DPP10: variants seen among roughly 807,000 people sequenced by gnomAD.
DPP10 encodes the protein inactive dipeptidyl peptidase 10.
A neutral mutation model predicts 120.9 loss-of-function variants in DPP10; 33 were observed. The ratio of observed to expected loss-of-function variants is 0.27; its 90% CI spans 0.21 to 0.37. DPP10 has a LOEUF of 0.37. Ranked by LOEUF, DPP10 falls within the 10% of genes least tolerant of loss-of-function variation. The pLI, the probability that DPP10 is intolerant of heterozygous loss-of-function variation, is 1.00. For missense variants in DPP10, 816 were observed against 942.8 expected (o/e 0.87, Z 1.76); for synonymous variants, 337 against 326.1 (o/e 1.03, Z -0.36).
chr2:115,743,689 A>C (rs1302485285), intron 9 of DPP10, among the ~76,000 whole-genome samples: 1 of 141,044 alleles, frequency 7.1e-6, no homozygotes, highest in Non-Finnish European at 1.5e-5. Context: ...GGAAACCTTC[A>C]ACTCAAAATT....
At chr2:114,644,039 A>T (rs1171950314) in intron 1 of DPP10, among the ~76,000 whole-genome samples, 4 of 147,426 alleles carry the variant, frequency 2.7e-5, no homozygotes, top group Non-Finnish European at 5.9e-5. Context: ...GGTTCCAGCG[A>T]TTCTCCTGCC....
At position 115,727,776 on chromosome 2, in the gene DPP10, C is replaced by T. The variant is rs528870760; in HGVS notation, c.577-40C>T. Reference sequence around the variant, plus strand: ...ATTAAAGTTTCAAAAGGCATCCTAACGTGTTGGATTTTTTGTTTGTTTCAC... The same window carrying T: ...ATTAAAGTTTCAAAAGGCATCCTAATGTGTTGGATTTTTTGTTTGTTTCAC... On this transcript the variant is annotated intron_variant, in intron 7 of 25. Transcript: ENST00000410059. 134 of 1,555,224 alleles carry T rather than the reference C, an allele frequency of 8.6e-5. No individual in the cohort carries two copies. In the East Asian group the frequency reaches 1.0e-3, roughly 12 times the overall value.
intron 1 of DPP10, among the ~76,000 whole-genome samples, chr2:114,451,024 C>T (rs1372339113): frequency 6.6e-6 from 1 of 152,056 alleles, no homozygotes; most frequent in Non-Finnish European, 1.5e-5. Flanking sequence ...AAAATGAGTT[C>T]CACTTCATTT....
intron 1 of DPP10, among the ~76,000 whole-genome samples, chr2:114,763,794 A>G (rs915007937): frequency 6.6e-6 from 1 of 152,210 alleles, no homozygotes; most frequent in South Asian, 2.1e-4. Flanking sequence ...CTAGCTTTAC[A>G]TAGGCTGATA....
At chr2:115,358,383 G>C (rs889176454) in intron 3 of DPP10, among the ~76,000 whole-genome samples, 8 of 152,096 alleles carry the variant, frequency 5.3e-5, no homozygotes, top group African/African-American at 1.7e-4. Flanking sequence ...CAAGTTTCTT[G>C]TCTCCATCTG....
At chr2:115,134,780 T>C (rs955714966) in intron 1 of DPP10, among the ~76,000 whole-genome samples, 1 of 152,070 alleles carries the variant, frequency 6.6e-6, no homozygotes, top group Non-Finnish European at 1.5e-5. Flanking sequence ...AAAACAGTGG[T>C]TTCGTTGTAT....
chr2:115,305,047 G>C (rs189681494), intron 1 of DPP10, among the ~76,000 whole-genome samples: 89 of 152,138 alleles, frequency 5.8e-4, no homozygotes, highest in Admixed American at 5.8e-3. Context: ...ATCTGACGTT[G>C]AACACAAGCG....
rs770737395 is a variant in DPP10 at position 114,442,832 on chromosome 2, A to C, written c.54A>C (p.Thr18=). ...SHHIKCQPSK[T]IKELGSNSPP... ...ACATCAAGTGTCAACCCTCAAAAAC[A>C]ATCAAGGTAGGATCTGGTTTTTCCC... Residue 18 remains threonine (T), a synonymous_variant, in exon 1 of 26, where the codon ACA becomes ACC. Transcript: ENST00000410059. 6.2e-7 allele frequency: 1 copy of C among 1,613,376 alleles called. No homozygotes were observed. Among genetic ancestry groups the C allele is most frequent in the Admixed American group, 1.7e-5 (1 of 59,942 alleles).
At chr2:115,646,103 T>TGC (rs1167391562) in intron 5 of DPP10, among the ~76,000 whole-genome samples, 1 of 151,494 alleles carries the variant, frequency 6.6e-6, no homozygotes, top group East Asian at 1.9e-4. Flanking sequence ...TGCACGTGCG[T>TGC]GCGCGCACAC....
At chr2:115,416,827 G>T (rs183420759) in intron 3 of DPP10, among the ~76,000 whole-genome samples, 11 of 152,166 alleles carry the variant, frequency 7.2e-5, no homozygotes, top group Middle Eastern at 3.4e-3. Flanking sequence ...ATGAGGCTGC[G>T]TTCCAGTTTC....
rs1295328308 is a variant in DPP10, at chr2:115,636,609, T to A, written c.442-53078T>A. 7.4e-5 allele frequency among the ~76,000 whole-genome samples: 11 copies of A among 148,124 alleles called. No individual in the cohort carries two copies. The East Asian group carries it at 2.0e-3, about 27-fold the overall frequency. ...GAGAGAGACAGAAAAAGAGAGAGAG[T>A]GAGAGAAGGAGAGAAGGAGAAAAAG... On this transcript the variant is annotated intron_variant, in intron 5 of 25. Coordinates refer to ENST00000410059, the MANE Select transcript of DPP10 (RefSeq NM_020868.6).
chr2:114,549,485 A>G (rs1189188633), intron 1 of DPP10, among the ~76,000 whole-genome samples: 1 of 151,486 alleles, frequency 6.6e-6, no homozygotes, highest in African/African-American at 2.4e-5. Context: ...ACATTGGGAA[A>G]CCCTGTCTCT....
intron 4 of DPP10, among the ~76,000 whole-genome samples, chr2:115,511,723 T>C (rs1381430307): frequency 7.8e-6 from 1 of 127,778 alleles, no homozygotes; most frequent in Non-Finnish European, 1.6e-5. Context: ...CTTCTTCTTC[T>C]TCTTCTTCTT....
At chr2:114,511,979 G>A (rs1317572910) in intron 1 of DPP10, among the ~76,000 whole-genome samples, 2 of 152,128 alleles carry the variant, frequency 1.3e-5, no homozygotes, top group Non-Finnish European at 2.9e-5. Flanking sequence ...TACCTTTAAA[G>A]GCAACTATCA....
intron 5 of DPP10, among the ~76,000 whole-genome samples, chr2:115,656,871 T>C (rs1174545372): frequency 6.6e-6 from 1 of 151,714 alleles, no homozygotes; most frequent in East Asian, 1.9e-4. Context: ...CAGTTTATCA[T>C]GACCATTTTT....
intron 1 of DPP10, among the ~76,000 whole-genome samples, chr2:115,307,513 G>T (rs2061407191): frequency 6.6e-6 from 1 of 152,050 alleles, no homozygotes; most frequent in Non-Finnish European, 1.5e-5. Context: ...AAGTATTTAT[G>T]GTTCTTGGCC....
At chr2:114,821,339 T>C (rs529010234) in intron 1 of DPP10, among the ~76,000 whole-genome samples, 4 of 152,298 alleles carry the variant, frequency 2.6e-5, no homozygotes, top group African/African-American at 9.6e-5. Flanking sequence ...GTGGTGAGAA[T>C]TGCCATGTTT....
intron 19 of DPP10, among the ~76,000 whole-genome samples, chr2:115,803,935 C>T (rs1455299823): frequency 1.3e-5 from 2 of 152,076 alleles, no homozygotes; most frequent in African/African-American, 2.4e-5. Flanking sequence ...CGAGCAGTAT[C>T]TTTGTGGCAT....
chr2:115,280,181 A>C (rs1466324743), intron 1 of DPP10, among the ~76,000 whole-genome samples: 1 of 152,162 alleles, frequency 6.6e-6, no homozygotes, highest in Non-Finnish European at 1.5e-5. Context: ...AGACATTTAT[A>C]ATCTTAGTCA....
Sources: gnomAD v4.1 joint callset for allele counts (sites outside exome capture counted in the v4.1 genomes callset) on GRCh38, gnomAD v4.1.1 for gene constraint, MANE v1.5 for transcripts, NCBI Gene and HGNC (gene_info 2026-07-23, HGNC 2026-07-21) for gene names.